The following POU6F1 variants were observed in gnomAD, a reference collection of about 807,000 sequenced individuals.
POU6F1 encodes POU class 6 homeobox 1.
In POU6F1, 9 loss-of-function variants were observed where a neutral mutation model predicts 28.9. The ratio of observed to expected loss-of-function variants is 0.31; its 90% CI spans 0.19 to 0.54. The LOEUF is 0.54. Ranked by LOEUF, POU6F1 falls within the 20% of genes least tolerant of loss-of-function variation. The pLI is 0.94. For missense variants in POU6F1, 338 were observed against 426.1 expected (o/e 0.79, Z 1.82); for synonymous variants, 173 against 171.1 (o/e 1.01, Z -0.09).
At chr12:51,191,213 G>A (rs750467644) in intron 10 of POU6F1, among the ~76,000 whole-genome samples, 9 of 152,210 alleles carry the variant, frequency 5.9e-5, no homozygotes, top group Non-Finnish European at 1.2e-4. Flanking sequence ...TTGTTAGAGG[G>A]GAGATGGGAG....
intron 1 of POU6F1, among the ~76,000 whole-genome samples, chr12:51,212,250 T>C (rs2137228735): frequency 6.6e-6 from 1 of 151,768 alleles, no homozygotes; most frequent in Non-Finnish European, 1.5e-5. Context: ...CGCGCCACCA[T>C]GCCCAGCTAA....
chr12:51,196,766 C>T, intron 7 of POU6F1, 33 bp downstream of exon 7: 2 of 1,612,672 alleles, frequency 1.2e-6, no homozygotes, highest in Non-Finnish European at 1.7e-6. Flanking sequence ...TCTCCACAGT[C>T]CCCACCCTCC....
At chr12:51,206,540 A>T (rs970374982) in intron 2 of POU6F1, among the ~76,000 whole-genome samples, 1 of 152,114 alleles carries the variant, frequency 6.6e-6, no homozygotes, top group African/African-American at 2.4e-5. Context: ...AAATTACCTG[A>T]TGTTCAAACC....
Position 51,190,359 on chromosome 12 carries a change from G to T in POU6F1, c.1724C>A (p.Thr575Asn). The T allele has an allele frequency of 6.2e-7, 1 of 1,614,150 alleles. No homozygotes were observed. The highest frequency in any genetic ancestry group is 8.5e-7 in the Non-Finnish European group (1 of 1,180,028). ...KNPLPTGQEI[T>N]EIAKELNYDR... ...GTAGTTGAGCTCCTTAGCAATTTCA[G>T]TGATCTCCTGGCCTGTGGGCAGTGG... The change falls in exon 11 of 11, where the codon ACT becomes AAT. Residue 575 changes from threonine to asparagine, a missense_variant. By Grantham distance (65) the Thr-to-Asn change is moderately conservative. Transcript: ENST00000333640. This position sits in a 1 kb window ranked among gnomAD's most constrained non-coding sequence, Gnocchi z 4.5.
At chr12:51,198,235 G>A (rs1942970005) in intron 5 of POU6F1, 1 of 396,438 alleles carries the variant, frequency 2.5e-6, no homozygotes, top group African/African-American at 2.1e-5. Flanking sequence ...GTAGGTTCAA[G>A]AACCAGACGT....
chr12:51,205,530 C>A (rs1943534655), intron 2 of POU6F1, among the ~76,000 whole-genome samples: 1 of 152,212 alleles, frequency 6.6e-6, no homozygotes, highest in Non-Finnish European at 1.5e-5. Context: ...GGAAACCCTG[C>A]CAATTGGGCC....
rs556288593 is a variant in POU6F1 at position 51,197,844 on chromosome 12, G to C, written c.772C>G (p.Pro258Ala). ...GGGGTGTCCACTGGCTTGGGGGTAG[G>C]GGCAGCAGCGGTGGCAGCAGTGGGC... ...PQPTAATAAA[P>A]TPKPVDTPPQ... Residue 258 changes from proline to alanine, a missense_variant, in exon 6 of 11, where the codon CCT becomes GCT. Around this residue, in one of 3 missense-constraint regions of POU6F1, gnomAD observed 206 missense variants for 225.6 expected, o/e 0.91. Coordinates refer to ENST00000333640, the MANE Select transcript of POU6F1 (RefSeq NM_001330422.2). 7.4e-6 allele frequency: 3 copies of C among 403,948 alleles called. No individual in the cohort carries two copies. In the South Asian group the frequency reaches 3.3e-4, roughly 45 times the overall value. 25.0% of individuals were successfully genotyped at this position (403,948 alleles called of 1,614,324 possible).
chr12:51,198,489 C>G (rs1213662541), intron 5 of POU6F1, 61 bp downstream of exon 5: 3 of 398,076 alleles, frequency 7.5e-6, no homozygotes, highest in Non-Finnish European at 1.3e-5. Flanking sequence ...GGCAAGCACA[C>G]GTGCGGGGGT....
At position 51,188,862 on chromosome 12, in the gene POU6F1, C is replaced by T. The variant is rs543279134; in HGVS notation, c.*1385G>A. ...TTTAGGGATAATCTACACCGCAAGC[C>T]TGTGGTCATCTAGGCAAATCTCAGT... is the stretch of plus-strand genomic sequence containing the variant. On this transcript the variant is annotated 3_prime_UTR_variant, in exon 11 of 11. Transcript: ENST00000333640. The T allele has an allele frequency of 6.6e-6, 1 of 152,286 alleles. No homozygotes were observed. The highest frequency in any genetic ancestry group is 2.4e-5 in the African/African-American group (1 of 41,544). 9.4% of individuals were successfully genotyped at this position (152,286 alleles called of 1,614,324 possible). A position where few individuals can be genotyped will look rare whatever the true frequency, so the allele number is the denominator to read the frequency against.
chr12:51,215,829 A>T (rs1272281640), intron 1 of POU6F1, among the ~76,000 whole-genome samples: 3 of 152,134 alleles, frequency 2.0e-5, no homozygotes, highest in African/African-American at 7.2e-5. Flanking sequence ...TTCCTTATCC[A>T]AAATGGAACC....
At chr12:51,194,411 T>C (rs1415243077) in intron 8 of POU6F1, among the ~76,000 whole-genome samples, 1 of 152,022 alleles carries the variant, frequency 6.6e-6, no homozygotes, top group Non-Finnish European at 1.5e-5. Context: ...GAGGCTGAGG[T>C]GGGCTGATCA....
intron 1 of POU6F1, among the ~76,000 whole-genome samples, chr12:51,214,407 G>C (rs1217022911): frequency 1.3e-5 from 2 of 152,026 alleles, no homozygotes; most frequent in Non-Finnish European, 2.9e-5. Flanking sequence ...CCATCCTCCT[G>C]ACACCACACA....
Position 51,190,128 on chromosome 12 carries a change from T to C in POU6F1, c.*119A>G. The C allele has an allele frequency of 7.0e-7, 1 of 1,435,516 alleles. No individual in the cohort carries two copies. The highest frequency in any genetic ancestry group is 9.2e-7 in the Non-Finnish European group (1 of 1,084,778). The allele number at this position is 1,435,516 out of a possible 1,614,324, so 88.9% of individuals were successfully genotyped here. A position where few individuals can be genotyped will look rare whatever the true frequency, so the allele number is the denominator to read the frequency against. ...TGCACATGCACACGGTGGAGTCTGA[T>C]GACCTGGGGTGAGCACAGCTGCACG... On this transcript the variant is annotated 3_prime_UTR_variant, in exon 11 of 11. Coordinates refer to ENST00000333640, the MANE Select transcript of POU6F1 (RefSeq NM_001330422.2). This position sits in a 1 kb window ranked among gnomAD's most constrained non-coding sequence, Gnocchi z 4.5.
chr12:51,199,949 C>G lies in POU6F1; in HGVS notation c.245-81G>C, dbSNP rs534822800. On this transcript the variant is annotated intron_variant, in intron 3 of 10. Coordinates refer to ENST00000333640, the MANE Select transcript of POU6F1 (RefSeq NM_001330422.2). The surrounding 1 kb of genome is among the most constrained non-coding windows in gnomAD (Gnocchi z 4.1). The stretch of plus-strand genomic sequence containing the variant: ...GGGTCACCACAGCAGTACATGACAT[C>G]CCATCTGCAGCCTGAAGCGGGGACC... 1 of 399,028 alleles carries G rather than the reference C, an allele frequency of 2.5e-6. No homozygotes were observed. The highest frequency in any genetic ancestry group is 2.1e-5 in the African/African-American group (1 of 48,638). 24.7% of individuals were successfully genotyped at this position (399,028 alleles called of 1,614,324 possible). A position where few individuals can be genotyped will look rare whatever the true frequency, so the allele number is the denominator to read the frequency against.
chr12:51,190,376 G>A lies in POU6F1; in HGVS notation c.1707C>T (p.Pro569=). Residue 569 remains proline (P), a synonymous_variant, in exon 11 of 11, where the codon CCC becomes CCT. Transcript: ENST00000333640. This position sits in a 1 kb window ranked among gnomAD's most constrained non-coding sequence, Gnocchi z 4.5. ...LNAYFEKNPL[P]TGQEITEIAK... ...CAATTTCAGTGATCTCCTGGCCTGTGGGCAGTGGGTTCTTCTCAAAATAGG... is the reference window on the plus strand; with the variant it reads ...CAATTTCAGTGATCTCCTGGCCTGTAGGCAGTGGGTTCTTCTCAAAATAGG... The A allele has an allele frequency of 6.2e-7, 1 of 1,614,178 alleles. No homozygotes were observed. Among genetic ancestry groups the A allele is most frequent in the Non-Finnish European group, 8.5e-7 (1 of 1,180,034 alleles).
At chr12:51,212,081 TTG>T (rs1229400126) in intron 1 of POU6F1, among the ~76,000 whole-genome samples, 12 of 148,568 alleles carry the variant, frequency 8.1e-5, no homozygotes, top group African/African-American at 3.1e-4. Flanking sequence ...TTTGTTTTTT[TTG>T]TTTTGTTTGT....
At chr12:51,213,477 G>C (rs1944131484) in intron 1 of POU6F1, among the ~76,000 whole-genome samples, 1 of 152,030 alleles carries the variant, frequency 6.6e-6, no homozygotes, top group Non-Finnish European at 1.5e-5. Flanking sequence ...GCCTCCCAAA[G>C]TGCTGGTATT....
chr12:51,190,704 G>C lies in POU6F1; in HGVS notation c.1491-112C>G. The C allele has an allele frequency of 6.8e-7, 1 of 1,477,202 alleles. No individual in the cohort carries two copies. 91.5% of individuals were successfully genotyped at this position (1,477,202 alleles called of 1,614,324 possible). On this transcript the variant is annotated intron_variant, in intron 10 of 10. Transcript: ENST00000333640. The surrounding 1 kb of genome is among the most constrained non-coding windows in gnomAD (Gnocchi z 4.5). The stretch of plus-strand genomic sequence containing the variant: ...CAAGGGGCCGCTCCTCTAGGGGCTG[G>C]TGAGACTGTACCCAGTGCTCCCCTC...
intron 8 of POU6F1, among the ~76,000 whole-genome samples, chr12:51,193,490 C>T (rs895838650): frequency 2.6e-5 from 4 of 152,072 alleles, no homozygotes; most frequent in Non-Finnish European, 5.9e-5. Context: ...GCAGGAGAAT[C>T]GCTTGAACAC....
Sources: allele counts gnomAD v4.1 joint callset (sites outside exome capture counted in the v4.1 genomes callset), GRCh38; gene constraint gnomAD v4.1.1; regional missense constraint gnomAD v4.1.1; non-coding constraint Gnocchi (gnomAD v3.1); transcripts MANE v1.5; gene names NCBI Gene and HGNC (gene_info 2026-07-23, HGNC 2026-07-21).